The following IGF2BP3 variants were observed in gnomAD, a reference collection of about 807,000 sequenced individuals.
IGF2BP3 encodes the protein insulin like growth factor 2 mRNA binding protein 3, also known as insulin-like growth factor 2 mRNA-binding protein 3.
A neutral mutation model predicts 73.8 loss-of-function variants in IGF2BP3; 9 were observed. The ratio of observed to expected loss-of-function variants is 0.12; its 90% CI spans 0.07 to 0.21. The LOEUF (loss-of-function observed/expected upper bound fraction) is 0.21. Ranked by LOEUF, IGF2BP3 falls within the 10% of genes least tolerant of loss-of-function variation. The pLI is 1.00. For missense variants in IGF2BP3, 542 were observed against 714.0 expected (o/e 0.76, Z 2.75); for synonymous variants, 258 against 256.7 (o/e 1.01, Z -0.05).
chr7:23,321,177 G>A (rs1052543846), intron 10 of IGF2BP3, among the ~76,000 whole-genome samples: 3 of 152,166 alleles, frequency 2.0e-5, no homozygotes, highest in South Asian at 4.1e-4. Flanking sequence ...CATCTCACTA[G>A]GGAGTGCCAG....
chr7:23,335,327 G>A (rs1418195791), intron 10 of IGF2BP3, among the ~76,000 whole-genome samples: 1 of 151,324 alleles, frequency 6.6e-6, no homozygotes, highest in African/African-American at 2.4e-5. Context: ...CTGTCACCCA[G>A]GCTGGAGTGC....
intron 5 of IGF2BP3, among the ~76,000 whole-genome samples, chr7:23,356,375 C>A: frequency 6.6e-6 from 1 of 151,408 alleles, no homozygotes; most frequent in Non-Finnish European, 1.5e-5. Context: ...CTCGGCAACA[C>A]AGTGAGACCC....
Position 23,360,346 on chromosome 7 carries a change from A to G in IGF2BP3, c.401+1188T>C, listed in dbSNP as rs117263884. 8.7e-3 allele frequency among the ~76,000 whole-genome samples: 1,332 copies of G among 152,330 alleles called. 27 individuals carry two copies. The highest frequency in any genetic ancestry group is 0.085 in the East Asian group (439 of 5,184). Reference sequence around the variant, plus strand: ...AAGTCATGCCATATCTGTACAATCAAATACTATGTAACTATAAAAAATATA... The same window carrying G: ...AAGTCATGCCATATCTGTACAATCAGATACTATGTAACTATAAAAAATATA... On this transcript the variant is annotated intron_variant, in intron 5 of 14. Coordinates refer to ENST00000258729, the MANE Select transcript of IGF2BP3 (RefSeq NM_006547.3).
chr7:23,348,179 A>C lies in IGF2BP3; in HGVS notation c.684-445T>G, dbSNP rs1784877869. ...ATTCATTGGATGAGCAGATTTCACC[A>C]ATCTGCTTCCCCTTTGCAAGGTTCT... On this transcript the variant is annotated intron_variant, in intron 6 of 14. Transcript: ENST00000258729. Among the ~76,000 whole-genome samples, 4 of 152,182 alleles carry C rather than the reference A, an allele frequency of 2.6e-5. No homozygotes were observed. In the South Asian group the frequency reaches 8.3e-4, roughly 32 times the overall value.
intron 2 of IGF2BP3, among the ~76,000 whole-genome samples, chr7:23,439,528 G>A (rs866504547): frequency 7.5e-6 from 1 of 133,058 alleles, no homozygotes; most frequent in African/African-American, 2.9e-5. Context: ...CTGCACTCCA[G>A]CCTGGGAGAC....
rs1426413885 is a variant in IGF2BP3, at chr7:23,456,752, A to C, written c.236+11730T>G. Among the ~76,000 whole-genome samples the C allele has an allele frequency of 2.0e-5, 3 of 152,250 alleles. 1 individual carries two copies. The highest frequency in any genetic ancestry group is 7.2e-5 in the African/African-American group (3 of 41,472). ...ACTTATAACTAATTATGTCAACATA[A>C]GAAATTTAGTTTTGAGGCCAGGCGC... On this transcript the variant is annotated intron_variant, in intron 2 of 14. Coordinates refer to ENST00000258729, the MANE Select transcript of IGF2BP3 (RefSeq NM_006547.3).
chr7:23,429,282 CT>C (rs1787607296), intron 2 of IGF2BP3, among the ~76,000 whole-genome samples: 1 of 152,184 alleles, frequency 6.6e-6, no homozygotes, highest in South Asian at 2.1e-4. Context: ...ACTAAAAAAT[CT>C]GACAAAAGAT....
At chr7:23,392,402 G>A (rs1320707704) in intron 3 of IGF2BP3, among the ~76,000 whole-genome samples, 150 of 133,676 alleles carry the variant, frequency 1.1e-3, no homozygotes, top group South Asian at 1.4e-3. Flanking sequence ...CCATTTGGAA[G>A]AAAAAAAAAA....
Position 23,368,626 on chromosome 7 carries a change from G to A in IGF2BP3, c.286-6885C>T, listed in dbSNP as rs940585721. Among the ~76,000 whole-genome samples the A allele has an allele frequency of 3.9e-5, 6 of 152,166 alleles. No individual in the cohort carries two copies. The East Asian group carries it at 5.8e-4, about 15-fold the overall frequency. ...TCTATTAACATACTAGGCCGGGCGC[G>A]GTGGCTCACACCTGTAATCCCAGCA... On this transcript the variant is annotated intron_variant, in intron 3 of 14. Coordinates refer to ENST00000258729, the MANE Select transcript of IGF2BP3 (RefSeq NM_006547.3).
At position 23,432,287 on chromosome 7, in the gene IGF2BP3, T is replaced by C. The variant is rs115587656; in HGVS notation, c.237-13463A>G. Among the ~76,000 whole-genome samples the C allele has an allele frequency of 1.7e-3, 263 of 152,326 alleles. 2 individuals are homozygous for C. Among genetic ancestry groups the C allele is most frequent in the African/African-American group, 5.8e-3 (240 of 41,574 alleles). On this transcript the variant is annotated intron_variant, in intron 2 of 14. Transcript: ENST00000258729. ...TTTTCTACGTACTCTCTTACTACTA[T>C]TGTTTGCTTGCATTTACACACTGCT...
At chr7:23,386,409 A>G (rs1786083106) in intron 3 of IGF2BP3, among the ~76,000 whole-genome samples, 1 of 152,204 alleles carries the variant, frequency 6.6e-6, no homozygotes. Flanking sequence ...CTCAAAAAGA[A>G]AAAACCAATC....
At chr7:23,392,472 G>A (rs529760585) in intron 3 of IGF2BP3, among the ~76,000 whole-genome samples, 22 of 140,666 alleles carry the variant, frequency 1.6e-4, no homozygotes, top group Non-Finnish European at 2.6e-4. Context: ...ACATATATAT[G>A]TATATATATA....
chr7:23,378,116 G>A (rs528375258), intron 3 of IGF2BP3, among the ~76,000 whole-genome samples: 3 of 151,908 alleles, frequency 2.0e-5, no homozygotes, highest in African/African-American at 4.8e-5. Context: ...AATATAGTTC[G>A]ATTTTTAAAA....
intron 5 of IGF2BP3, among the ~76,000 whole-genome samples, chr7:23,358,718 T>A (rs759391052): frequency 1.2e-4 from 19 of 152,204 alleles, no homozygotes; most frequent in Non-Finnish European, 2.5e-4. Context: ...GAAAACATAT[T>A]CCATATCCCT....
chr7:23,433,486 A>ATT (rs568295259), intron 2 of IGF2BP3, among the ~76,000 whole-genome samples: 8 of 142,904 alleles, frequency 5.6e-5, no homozygotes, highest in East Asian at 2.0e-4. Flanking sequence ...ATAATAACTA[A>ATT]TTTTTTTTTT....
chr7:23,328,687 G>A (rs1405354736), intron 10 of IGF2BP3, among the ~76,000 whole-genome samples: 1 of 152,110 alleles, frequency 6.6e-6, no homozygotes, highest in Non-Finnish European at 1.5e-5. Flanking sequence ...AATTTGTCTA[G>A]GAATTACCAA....
chr7:23,360,277 C>T (rs1214114434), intron 5 of IGF2BP3, among the ~76,000 whole-genome samples: 1 of 152,172 alleles, frequency 6.6e-6, no homozygotes, highest in East Asian at 1.9e-4. Flanking sequence ...TTCATAACTG[C>T]AAGAGACTGG....
intron 14 of IGF2BP3, 63 bp from the exon 15 acceptor site, chr7:23,312,523 CTTCAT>C: frequency 8.6e-7 from 1 of 1,161,804 alleles, no homozygotes; most frequent in Non-Finnish European, 1.3e-6. Flanking sequence ...TATTGTACTC[CTTCAT>C]TTCAACAATT....
chr7:23,462,419 T>C (rs1788470564), intron 2 of IGF2BP3, among the ~76,000 whole-genome samples: 1 of 151,758 alleles, frequency 6.6e-6, no homozygotes, highest in Admixed American at 6.6e-5. Context: ...TGGAGTGCAG[T>C]AGCGCGATCT....
Sources: allele counts gnomAD v4.1 joint callset (sites outside exome capture counted in the v4.1 genomes callset), GRCh38; gene constraint gnomAD v4.1.1; transcripts MANE v1.5; gene names NCBI Gene and HGNC (gene_info 2026-07-23, HGNC 2026-07-21).